The following TFCP2 variants were observed in gnomAD, a reference collection of about 807,000 sequenced individuals.
The protein encoded by TFCP2 is transcription factor CP2, also known as alpha-globin transcription factor CP2.
A neutral mutation model predicts 73.4 loss-of-function variants in TFCP2; 33 were observed. The ratio of observed to expected loss-of-function variants is 0.45; its 90% CI spans 0.34 to 0.60. The LOEUF is 0.60. Among genes scored for constraint, TFCP2 ranks in the 20% least tolerant of loss-of-function variants. TFCP2 has a pLI of 0.01. For missense variants in TFCP2, 352 were observed against 604.0 expected (o/e 0.58, Z 4.37); for synonymous variants, 193 against 211.6 (o/e 0.91, Z 0.76).
intron 6 of TFCP2, among the ~76,000 whole-genome samples, 160 bp downstream of exon 6, chr12:51,108,961 C>T (rs879530220): frequency 6.6e-6 from 1 of 152,106 alleles, no homozygotes; most frequent in Non-Finnish European, 1.5e-5. Flanking sequence ...AATTTCTTTA[C>T]CAGGCATCTT....
chr12:51,170,975 G>T (rs547022813), intron 1 of TFCP2, among the ~76,000 whole-genome samples: 1 of 152,208 alleles, frequency 6.6e-6, no homozygotes, highest in African/African-American at 2.4e-5. Context: ...ACCGTGCCCG[G>T]CCTGAAGTAT....
intron 1 of TFCP2, among the ~76,000 whole-genome samples, chr12:51,153,183 T>C (rs1326859289): frequency 6.6e-6 from 1 of 152,210 alleles, no homozygotes; most frequent in African/African-American, 2.4e-5. Context: ...TAGACCAGCC[T>C]GGGCAACATA....
chr12:51,149,773 G>T (rs1394363076), intron 1 of TFCP2, among the ~76,000 whole-genome samples: 1 of 151,938 alleles, frequency 6.6e-6, no homozygotes. Flanking sequence ...CTAATTTTTT[G>T]CATTTTTAGT....
At position 51,116,296 on chromosome 12, in the gene TFCP2, A is replaced by G; in HGVS notation, c.457+19T>C. ...CATAGCTAAAGGCATTTCCTAGGCA[A>G]TAGATTCTCTTAACTCACCTATGTC... is the stretch of plus-strand genomic sequence containing the variant. On this transcript the variant is annotated intron_variant, in intron 4 of 14. Transcript: ENST00000257915. 6.8e-7 allele frequency: 1 copy of G among 1,468,344 alleles called. No individual in the cohort carries two copies. Among genetic ancestry groups the G allele is most frequent in the East Asian group, 2.3e-5 (1 of 43,904 alleles). 91.0% of individuals were successfully genotyped at this position (1,468,344 alleles called of 1,614,324 possible). A position where few individuals can be genotyped will look rare whatever the true frequency, so the allele number is the denominator to read the frequency against.
At chr12:51,135,400 C>A (rs1021039308) in intron 1 of TFCP2, among the ~76,000 whole-genome samples, 3 of 151,498 alleles carry the variant, frequency 2.0e-5, no homozygotes, top group African/African-American at 7.3e-5. Flanking sequence ...GCACTCCAGC[C>A]TGGGTGACAG....
Position 51,103,699 on chromosome 12 carries a change from G to A in TFCP2, c.1031C>T (p.Thr344Ile), listed in dbSNP as rs908793006. The A allele has an allele frequency of 4.4e-5, 71 of 1,613,986 alleles. No homozygotes were observed. The highest frequency in any genetic ancestry group is 5.9e-5 in the Non-Finnish European group (70 of 1,180,004). ...GAAGTTTGTGAAAAGCCTTGTGAATGTAGAAAAACGATTTCGATGCAACCA... is the reference window on the plus strand; with the variant it reads ...GAAGTTTGTGAAAAGCCTTGTGAATATAGAAAAACGATTTCGATGCAACCA... Reference protein sequence around the residue: ...QQWLHRNRFSTFTRLFTNFSG... With the variant: ...QQWLHRNRFSIFTRLFTNFSG... The change falls in exon 10 of 15, where the codon ACA becomes ATA. Residue 344 changes from threonine (T) to isoleucine (I), a missense_variant. By Grantham distance (89) the Thr-to-Ile change is moderately conservative. Coordinates refer to ENST00000257915, the MANE Select transcript of TFCP2 (RefSeq NM_005653.5).
At chr12:51,167,313 T>C (rs977882285) in intron 1 of TFCP2, among the ~76,000 whole-genome samples, 24 of 152,272 alleles carry the variant, frequency 1.6e-4, no homozygotes, top group African/African-American at 5.1e-4. Flanking sequence ...AAAACAAATG[T>C]GTCAGAGAAG....
chr12:51,116,168 A>C (rs1940525631), intron 4 of TFCP2, 147 bp downstream of exon 4: 1 of 424,108 alleles, frequency 2.4e-6, no homozygotes, highest in Non-Finnish European at 4.2e-6. Flanking sequence ...GTATTACTTA[A>C]AATTTTTTAT....
chr12:51,104,271 A>G, intron 8 of TFCP2, 68 bp from the exon 9 acceptor site: 1 of 1,354,048 alleles, frequency 7.4e-7, no homozygotes, highest in East Asian at 2.3e-5. Flanking sequence ...TTCATTCCTC[A>G]GCTTCACAAT....
chr12:51,103,896 A>G (rs1455858443), intron 9 of TFCP2, 133 bp from the exon 10 acceptor site: 14 of 762,684 alleles, frequency 1.8e-5, no homozygotes, highest in Non-Finnish European at 3.0e-5. Flanking sequence ...TCTTTCTCCA[A>G]CCATGCAAGA....
chr12:51,125,267 CTGTCA>C (rs755461934), intron 1 of TFCP2: 1 of 575,754 alleles, frequency 1.7e-6, no homozygotes, highest in South Asian at 1.5e-5. Flanking sequence ...CCACAATGTC[CTGTCA>C]TTTTTGTCCT....
At position 51,125,245 on chromosome 12, in the gene TFCP2, G is replaced by T. The variant is rs765328105; in HGVS notation, c.123-6473C>A. ...GTTTCTGTACCCATGGGATGAGAAA[G>T]TGAGTCCCCTACCACAATGTCCTGT... On this transcript the variant is annotated intron_variant, in intron 1 of 14. Coordinates refer to ENST00000257915, the MANE Select transcript of TFCP2 (RefSeq NM_005653.5). The T allele has an allele frequency of 5.0e-6, 3 of 594,752 alleles. No homozygotes were observed. The African/African-American group carries it at 5.5e-5, about 11-fold the overall frequency. The allele number at this position is 594,752 out of a possible 1,614,324, so 36.8% of individuals were successfully genotyped here.
intron 1 of TFCP2, among the ~76,000 whole-genome samples, chr12:51,171,631 G>A (rs562196896): frequency 6.6e-6 from 1 of 152,322 alleles, no homozygotes; most frequent in South Asian, 2.1e-4. Context: ...GCCCGCCTCA[G>A]CCTCCCAAAG....
chr12:51,119,627 GT>G (rs1282829576), intron 1 of TFCP2, among the ~76,000 whole-genome samples: 3 of 151,804 alleles, frequency 2.0e-5, no homozygotes, highest in Non-Finnish European at 4.4e-5. Flanking sequence ...GCGCATGCCT[GT>G]AATCCCAGCT....
Position 51,118,677 on chromosome 12 carries a change from G to A in TFCP2, c.218C>T (p.Ala73Val). ...KILPFQYVLC[A>V]ATSPAVKLHD... ...GAGTTTCACTGCTGGAGAGGTAGCA[G>A]CACAAAGCACATATTGAAAAGGCAG... Residue 73 changes from alanine (A) to valine (V), a missense_variant, in exon 2 of 15, where the codon GCT becomes GTT. By Grantham distance (64) the Ala-to-Val change is moderately conservative. Around this residue, in one of 6 missense-constraint regions of TFCP2, gnomAD observed 76 missense variants for 163.2 expected, o/e 0.47. Transcript: ENST00000257915. 2 of 1,614,186 alleles carry A rather than the reference G, an allele frequency of 1.2e-6. No individual in the cohort carries two copies. Among genetic ancestry groups the A allele is most frequent in the Non-Finnish European group, 1.7e-6 (2 of 1,180,048 alleles).
chr12:51,118,586 CTGCAATAGTACTAA>C lies in TFCP2; in HGVS notation c.274+21_274+34del. 3 of 1,604,240 alleles carry C rather than the reference CTGCAATAGTACTAA, an allele frequency of 1.9e-6. No homozygotes were observed. The African/African-American group carries it at 4.0e-5, about 22-fold the overall frequency. ...CAAAAAAATCATAAATACAGTAGGT[CTGCAATAGTACTAA>C]TGAATGAGGAAGCATCTAACCTTGA... On this transcript the variant is annotated intron_variant, in intron 2 of 14. Coordinates refer to ENST00000257915, the MANE Select transcript of TFCP2 (RefSeq NM_005653.5).
At chr12:51,107,580 C>T (rs1040545019) in intron 6 of TFCP2, among the ~76,000 whole-genome samples, 1 of 151,894 alleles carries the variant, frequency 6.6e-6, no homozygotes, top group African/African-American at 2.4e-5. Flanking sequence ...GCACATAGTT[C>T]ACTGAAAAAA....
At chr12:51,144,891 G>T (rs370615575) in intron 1 of TFCP2, among the ~76,000 whole-genome samples, 1 of 152,038 alleles carries the variant, frequency 6.6e-6, no homozygotes, top group Non-Finnish European at 1.5e-5. Context: ...GCAAAATGCC[G>T]TCTGTACTAA....
chr12:51,153,931 T>G (rs1027218173), intron 1 of TFCP2, among the ~76,000 whole-genome samples: 1 of 152,204 alleles, frequency 6.6e-6, no homozygotes, highest in Non-Finnish European at 1.5e-5. Flanking sequence ...CTACATTTAA[T>G]TTTTTTGAGG....
Sources: gnomAD v4.1 joint callset for allele counts (sites outside exome capture counted in the v4.1 genomes callset) on GRCh38, gnomAD v4.1.1 for gene constraint, gnomAD v4.1.1 regional missense constraint, MANE v1.5 for transcripts, NCBI Gene and HGNC (gene_info 2026-07-23, HGNC 2026-07-21) for gene names.